The following PLCL1 variants were observed in gnomAD, a reference collection of about 807,000 sequenced individuals.
The protein encoded by PLCL1 is phospholipase C like 1 (inactive).
PLCL1 carries 41 observed loss-of-function variants against 84.4 expected under a neutral mutation model. The observed-to-expected ratio is 0.49, with a 90% confidence interval of 0.38 to 0.63. The LOEUF is 0.63. Ranked by LOEUF, PLCL1 falls within the 30% of genes least tolerant of loss-of-function variation. The probability of loss-of-function intolerance (pLI) is 0.00; values close to 1 mark genes in which losing one functional copy is unlikely to be tolerated. For synonymous variants in PLCL1, 490 were observed against 488.3 expected (o/e 1.00, Z -0.05); for missense variants, 1,206 against 1,367.8 (o/e 0.88, Z 1.87).
Position 198,103,834 on chromosome 2 carries a change from G to A in PLCL1, c.3003G>A (p.Glu1001=), listed in dbSNP as rs767054996. The change falls in exon 5 of 6, where the codon GAG becomes GAA. Residue 1001 remains glutamate (E), a synonymous_variant. Transcript: ENST00000428675. ...KIVQCQKAGM[E]FHEELHNLGA... The stretch of plus-strand genomic sequence containing the variant: ...TGCATTCTTTCTTCAAAGGGATGGA[G>A]TTCCATGAAGAACTTCATAATTTGG... 8.8e-6 allele frequency: 14 copies of A among 1,583,658 alleles called. 1 individual carries two copies. The highest frequency in any genetic ancestry group is 1.2e-5 in the Non-Finnish European group (14 of 1,157,992).
At chr2:198,140,267 G>A (rs1224290848) in intron 5 of PLCL1, among the ~76,000 whole-genome samples, 2 of 151,912 alleles carry the variant, frequency 1.3e-5, no homozygotes, top group Non-Finnish European at 2.9e-5. Flanking sequence ...TGTTGCCACT[G>A]GATTATTAAT....
intron 1 of PLCL1, among the ~76,000 whole-genome samples, chr2:198,037,023 C>T (rs960378975): frequency 1.3e-5 from 2 of 152,160 alleles, no homozygotes; most frequent in African/African-American, 2.4e-5. Context: ...AGGTTTGTCT[C>T]TGGGGGAGAG....
At chr2:198,113,280 A>G (rs940576045) in intron 5 of PLCL1, among the ~76,000 whole-genome samples, 2 of 151,978 alleles carry the variant, frequency 1.3e-5, no homozygotes, top group Non-Finnish European at 2.9e-5. Context: ...ATAAATTAGC[A>G]AACAATAATT....
At chr2:198,049,489 A>G (rs541861811) in intron 1 of PLCL1, among the ~76,000 whole-genome samples, 2 of 152,258 alleles carry the variant, frequency 1.3e-5, no homozygotes, top group Non-Finnish European at 1.5e-5. Context: ...ACATATCCCA[A>G]TGGACTTTGA....
intron 5 of PLCL1, among the ~76,000 whole-genome samples, chr2:198,132,456 TG>T (rs1553519971): frequency 4.4e-4 from 67 of 151,106 alleles, no homozygotes; most frequent in African/African-American, 1.0e-3. Flanking sequence ...TGTGTTTTTT[TG>T]GGGGGGGGAG....
intron 1 of PLCL1, among the ~76,000 whole-genome samples, chr2:197,874,210 A>G (rs1191753218): frequency 6.6e-6 from 1 of 152,040 alleles, no homozygotes; most frequent in Non-Finnish European, 1.5e-5. Flanking sequence ...GGTATTTCAA[A>G]TTTTCCCACT....
chr2:197,987,303 T>C (rs1378040574), intron 1 of PLCL1, among the ~76,000 whole-genome samples: 1 of 152,194 alleles, frequency 6.6e-6, no homozygotes, highest in Admixed American at 6.5e-5. Context: ...AGCTGTTAAG[T>C]AATATCACAA....
At chr2:197,965,531 G>A (rs1015866207) in intron 1 of PLCL1, among the ~76,000 whole-genome samples, 6 of 151,704 alleles carry the variant, frequency 4.0e-5, no homozygotes, top group African/African-American at 1.5e-4. Context: ...TTGATCTTTT[G>A]TATTGTTTTC....
chr2:198,009,232 G>A (rs1031974741), intron 1 of PLCL1, among the ~76,000 whole-genome samples: 3 of 151,816 alleles, frequency 2.0e-5, no homozygotes, highest in African/African-American at 7.3e-5. Context: ...CTGTGCTTTT[G>A]GTGTCATATT....
intron 1 of PLCL1, among the ~76,000 whole-genome samples, chr2:197,892,274 A>G (rs1439257674): frequency 6.6e-6 from 1 of 152,138 alleles, no homozygotes; most frequent in Non-Finnish European, 1.5e-5. Flanking sequence ...GGGCCTAGGG[A>G]GGAGAACGTG....
At chr2:197,902,550 A>C (rs960965382) in intron 1 of PLCL1, among the ~76,000 whole-genome samples, 4 of 152,146 alleles carry the variant, frequency 2.6e-5, no homozygotes, top group African/African-American at 9.7e-5. Flanking sequence ...CCTGTTTTTT[A>C]TCTCTGGAAT....
chr2:197,997,888 T>G (rs940330951), intron 1 of PLCL1, among the ~76,000 whole-genome samples: 6 of 152,198 alleles, frequency 3.9e-5, no homozygotes, highest in African/African-American at 1.4e-4. Context: ...ATTCTATATT[T>G]AATGTTTCAT....
At chr2:198,087,244 A>C (rs1692908465) in intron 2 of PLCL1, among the ~76,000 whole-genome samples, 1 of 152,190 alleles carries the variant, frequency 6.6e-6, no homozygotes, top group Admixed American at 6.5e-5. Context: ...TCGCAAAATT[A>C]TTATTAGAGT....
chr2:197,872,038 G>A (rs1042843025), intron 1 of PLCL1, among the ~76,000 whole-genome samples: 5 of 152,146 alleles, frequency 3.3e-5, no homozygotes, highest in Admixed American at 6.5e-5. Flanking sequence ...TGTTGCTGTA[G>A]ACACTAAATT....
intron 1 of PLCL1, among the ~76,000 whole-genome samples, chr2:197,959,491 A>T (rs908617346): frequency 2.0e-5 from 3 of 152,008 alleles, no homozygotes; most frequent in African/African-American, 7.2e-5. Flanking sequence ...TCATCATTTG[A>T]CTCAACCCCT....
chr2:197,833,362 C>G (rs183106431), intron 1 of PLCL1, among the ~76,000 whole-genome samples: 1 of 152,222 alleles, frequency 6.6e-6, no homozygotes, highest in Non-Finnish European at 1.5e-5. Flanking sequence ...TAAAGATATT[C>G]AAATAGAAAG....
chr2:198,024,250 G>A (rs929279896), intron 1 of PLCL1, among the ~76,000 whole-genome samples: 9 of 152,108 alleles, frequency 5.9e-5, no homozygotes, highest in African/African-American at 2.2e-4. Context: ...CCTATCAGGG[G>A]TTGGCAGGCA....
At chr2:197,955,039 A>G (rs1018722083) in intron 1 of PLCL1, among the ~76,000 whole-genome samples, 6 of 152,220 alleles carry the variant, frequency 3.9e-5, no homozygotes, top group Non-Finnish European at 7.4e-5. Context: ...TTACTATCAG[A>G]ATATGCTACA....
intron 1 of PLCL1, among the ~76,000 whole-genome samples, chr2:197,902,703 G>A (rs1298747516): frequency 6.6e-6 from 1 of 152,168 alleles, no homozygotes; most frequent in Non-Finnish European, 1.5e-5. Flanking sequence ...GTGCATACAT[G>A]TGTATGCTGA....
Sources: allele counts gnomAD v4.1 joint callset (sites outside exome capture counted in the v4.1 genomes callset), GRCh38; gene constraint gnomAD v4.1.1; transcripts MANE v1.5; gene names NCBI Gene and HGNC (gene_info 2026-07-23, HGNC 2026-07-21).